JPH2: variants seen among roughly 807,000 people sequenced by gnomAD.
JPH2 encodes the protein junctophilin-2.
Under a neutral mutation model 55.9 loss-of-function variants are expected in JPH2, and 38 were observed. That is an observed-to-expected ratio of 0.68 (90% confidence interval 0.52 to 0.89). The LOEUF is 0.89. Ranked by LOEUF, JPH2 falls within the 40% of genes least tolerant of loss-of-function variation. The pLI is 0.00. For synonymous variants in JPH2, 480 were observed against 472.4 expected (o/e 1.02, Z -0.21); for missense variants, 964 against 1,037.6 (o/e 0.93, Z 0.97).
chr20:44,141,240 C>T lies in JPH2; in HGVS notation c.1169+18378G>A, dbSNP rs554357027. Reference sequence around the variant, plus strand: ...CATCCGGCTAAAAATATTCACCTTCCCATTCTCTACATCTGGGGAAGGTCT... The same window carrying T: ...CATCCGGCTAAAAATATTCACCTTCTCATTCTCTACATCTGGGGAAGGTCT... On this transcript the variant is annotated intron_variant, in intron 2 of 5. Coordinates refer to ENST00000372980, the MANE Select transcript of JPH2 (RefSeq NM_020433.5). Among the ~76,000 whole-genome samples, 3 of 152,330 alleles carry T rather than the reference C, an allele frequency of 2.0e-5. No homozygotes were observed. The South Asian group carries it at 6.2e-4, about 32-fold the overall frequency.
intron 2 of JPH2, among the ~76,000 whole-genome samples, chr20:44,121,688 A>C (rs896335112): frequency 6.6e-6 from 1 of 152,144 alleles, no homozygotes; most frequent in Admixed American, 6.6e-5. Flanking sequence ...AAGGCAAAGG[A>C]GTATTCTAAA....
At chr20:44,149,446 T>C (rs1350965684) in intron 2 of JPH2, among the ~76,000 whole-genome samples, 1 of 152,234 alleles carries the variant, frequency 6.6e-6, no homozygotes, top group Non-Finnish European at 1.5e-5. Context: ...ATATTTGTCG[T>C]GTGTGTGTAT....
chr20:44,134,883 T>C (rs2072395737), intron 2 of JPH2, among the ~76,000 whole-genome samples: 1 of 47,896 alleles, frequency 2.1e-5, no homozygotes, highest in Non-Finnish European at 3.8e-5. Flanking sequence ...TATTTATATA[T>C]ATATTAATAT....
At chr20:44,142,730 G>A (rs1259075104) in intron 2 of JPH2, among the ~76,000 whole-genome samples, 1 of 152,226 alleles carries the variant, frequency 6.6e-6, no homozygotes. Flanking sequence ...ATGAAGGCTG[G>A]ATCTTCAGGT....
chr20:44,135,077 T>C (rs969570), intron 2 of JPH2, among the ~76,000 whole-genome samples: 104,538 of 150,032 alleles, frequency 0.7, 36,479 homozygotes, highest in Admixed American at 0.77. Context: ...ATAGACTATT[T>C]CAATATTTAA....
At chr20:44,173,892 G>A (rs556992186) in intron 1 of JPH2, among the ~76,000 whole-genome samples, 42 of 152,280 alleles carry the variant, frequency 2.8e-4, no homozygotes, top group African/African-American at 4.6e-4. Context: ...CAGCCTGGGC[G>A]ACTGAGAGAG....
chr20:44,162,894 A>G (rs1216598806), intron 1 of JPH2, among the ~76,000 whole-genome samples: 1 of 150,326 alleles, frequency 6.7e-6, no homozygotes, highest in Non-Finnish European at 1.5e-5. Flanking sequence ...CAATCTGCTT[A>G]TTTCACATTG....
At chr20:44,162,978 T>C (rs1263367874) in intron 1 of JPH2, among the ~76,000 whole-genome samples, 1 of 151,550 alleles carries the variant, frequency 6.6e-6, no homozygotes, top group Non-Finnish European at 1.5e-5. Flanking sequence ...CCACAAAATT[T>C]TTTCCAAAAT....
chr20:44,116,441 T>A (rs2072193674), intron 3 of JPH2, 55 bp from the exon 4 acceptor site: 1 of 1,534,610 alleles, frequency 6.5e-7, no homozygotes, highest in Non-Finnish European at 8.8e-7. Context: ...TGTTGGGTGA[T>A]CCTGGGCCAG....
chr20:44,177,053 CTG>C, intron 1 of JPH2: 1 of 985,412 alleles, frequency 1.0e-6, no homozygotes, highest in Non-Finnish European at 1.2e-6. Context: ...CTGGGCTGCT[CTG>C]TGGATTCTGC....
At position 44,135,882 on chromosome 20, in the gene JPH2, G is replaced by C. The variant is rs139517250; in HGVS notation, c.1170-17259C>G. Among the ~76,000 whole-genome samples, 999 of 152,274 alleles carry C rather than the reference G, an allele frequency of 6.6e-3. 6 individuals carry two copies. The highest frequency in any genetic ancestry group is 0.011 in the Non-Finnish European group (728 of 68,022). ...TCATTGAGAGTTAGTCATTGTGATC[G>C]TTACTCTGTTATAGACATATTGGAA... is the stretch of plus-strand genomic sequence containing the variant. On this transcript the variant is annotated intron_variant, in intron 2 of 5. Coordinates refer to ENST00000372980, the MANE Select transcript of JPH2 (RefSeq NM_020433.5).
rs1321988831 is a variant in JPH2 at position 44,180,241 on chromosome 20, A to G, written c.379+6086T>C. Among the ~76,000 whole-genome samples the G allele has an allele frequency of 2.0e-5, 3 of 152,344 alleles. No homozygotes were observed. In the East Asian group the frequency reaches 5.8e-4, roughly 29 times the overall value. Reference sequence around the variant, plus strand: ...CTCAAAAAATAAATAAATAAGTAACATAACATACCTCAAGTACCTCAAGTG... The same window carrying G: ...CTCAAAAAATAAATAAATAAGTAACGTAACATACCTCAAGTACCTCAAGTG... On this transcript the variant is annotated intron_variant, in intron 1 of 5. Transcript: ENST00000372980.
Position 44,160,231 on chromosome 20 carries a change from C to A in JPH2, c.556G>T (p.Asp186Tyr), listed in dbSNP as rs1304954144. 6.7e-7 allele frequency: 1 copy of A among 1,493,640 alleles called. No homozygotes were observed. The allele number at this position is 1,493,640 out of a possible 1,614,324, so 92.5% of individuals were successfully genotyped here. A position where few individuals can be genotyped will look rare whatever the true frequency, so the allele number is the denominator to read the frequency against. ...APDSPASPAS[D>Y]GPALPSPAIP... ...GCGGGCGAGGGCAGCGCGGGGCCGT[C>A]GGAGGCCGGCGAGGCGGGAGAGTCC... Residue 186 changes from aspartate (D) to tyrosine (Y), a missense_variant, in exon 2 of 6, where the codon GAC becomes TAC. By Grantham distance (160) the Asp-to-Tyr change is radical. Coordinates refer to ENST00000372980, the MANE Select transcript of JPH2 (RefSeq NM_020433.5). The surrounding 1 kb of genome is among the most constrained non-coding windows in gnomAD (Gnocchi z 4.9).
chr20:44,174,926 G>A (rs771800518), intron 1 of JPH2, among the ~76,000 whole-genome samples: 23 of 152,310 alleles, frequency 1.5e-4, no homozygotes, highest in Non-Finnish European at 2.9e-4. Context: ...CCCCCGTGCA[G>A]GGGTGGAGGT....
intron 2 of JPH2, among the ~76,000 whole-genome samples, chr20:44,128,236 C>A (rs927499320): frequency 9.2e-5 from 14 of 152,154 alleles, no homozygotes; most frequent in Non-Finnish European, 1.8e-4. Flanking sequence ...GGTTTTAGTT[C>A]TTCTACTTAC....
chr20:44,167,995 A>G (rs2072669576), intron 1 of JPH2, among the ~76,000 whole-genome samples: 1 of 152,102 alleles, frequency 6.6e-6, no homozygotes, highest in Non-Finnish European at 1.5e-5. Flanking sequence ...TCCAGATGAG[A>G]GGTGATGCCC....
Position 44,109,409 on chromosome 20 carries a change from A to T in JPH2, c.*4109T>A, listed in dbSNP as rs2072126889. ...AACATGGTATTCATCACCCCCAGAAAAGTAAGAAAGTTCTAGATGTTAAGG... is the reference window on the plus strand; with the variant it reads ...AACATGGTATTCATCACCCCCAGAATAGTAAGAAAGTTCTAGATGTTAAGG... On this transcript the variant is annotated 3_prime_UTR_variant, in exon 6 of 6. Coordinates refer to ENST00000372980, the MANE Select transcript of JPH2 (RefSeq NM_020433.5). 6.6e-6 allele frequency among the ~76,000 whole-genome samples: 1 copy of T among 152,210 alleles called. No individual in the cohort carries two copies. Among genetic ancestry groups the T allele is most frequent in the South Asian group, 2.1e-4 (1 of 4,826 alleles).
In JPH2 at chr20:44,109,989, C is replaced by T. The variant is rs926444754; in HGVS notation, c.*3529G>A. Among the ~76,000 whole-genome samples the T allele has an allele frequency of 3.0e-4, 46 of 152,156 alleles. No individual in the cohort carries two copies. The highest frequency in any genetic ancestry group is 8.9e-4 in the African/African-American group (37 of 41,406). Reference sequence around the variant, plus strand: ...GGTACAAACCACCTTAAATGCATTCCGGGCATGGCAGGAGACCCATCAGAC... The same window carrying T: ...GGTACAAACCACCTTAAATGCATTCTGGGCATGGCAGGAGACCCATCAGAC... On this transcript the variant is annotated 3_prime_UTR_variant, in exon 6 of 6. Coordinates refer to ENST00000372980, the MANE Select transcript of JPH2 (RefSeq NM_020433.5).
Position 44,173,955 on chromosome 20 carries a change from ATCT to A in JPH2, c.379+12369_379+12371del, listed in dbSNP as rs377148043. 1.7e-3 allele frequency among the ~76,000 whole-genome samples: 259 copies of A among 152,244 alleles called. 1 individual carries two copies. Among genetic ancestry groups the A allele is most frequent in the African/African-American group, 5.8e-3 (239 of 41,546 alleles). On this transcript the variant is annotated intron_variant, in intron 1 of 5. Transcript: ENST00000372980. ...AAACAATTCATCAGACGATGATAAGATCTTCTAGTCCAAGCCCATAAGTAATCC... is the reference window on the plus strand; with the variant it reads ...AAACAATTCATCAGACGATGATAAGATCTAGTCCAAGCCCATAAGTAATCC...
Sources: gnomAD v4.1 joint callset for allele counts (sites outside exome capture counted in the v4.1 genomes callset) on GRCh38, gnomAD v4.1.1 for gene constraint, Gnocchi (gnomAD v3.1) non-coding constraint, MANE v1.5 for transcripts, NCBI Gene and HGNC (gene_info 2026-07-23, HGNC 2026-07-21) for gene names.